Variants in WDPCP observed in about 807,000 individuals in gnomAD.
WDPCP encodes WD repeat-containing and planar cell polarity effector protein fritz homolog.
WDPCP carries 71 observed loss-of-function variants against 93.1 expected under a neutral mutation model. That is an observed-to-expected ratio of 0.76 (90% CI 0.63 to 0.93). The LOEUF (loss-of-function observed/expected upper bound fraction) is 0.93, where lower values mean the gene tolerates loss of function less well. WDPCP is among the 40% of genes least tolerant of loss of function. The pLI, the probability that WDPCP is intolerant of heterozygous loss-of-function variation, is 0.00. For missense variants in WDPCP, 844 were observed against 887.4 expected, an observed-to-expected ratio of 0.95 and a Z score of 0.62; for synonymous variants, 315 against 315.0, an observed-to-expected ratio of 1.00 and a Z score of 0.00.
At chr2:63,233,756 G>T (rs1679135440) in intron 14 of WDPCP, among the ~76,000 whole-genome samples, 1 of 152,040 alleles carries the variant, frequency 6.6e-6, no homozygotes, top group African/African-American at 2.4e-5. Flanking sequence ...GTCCAGGAGT[G>T]CTCAGATGTT....
chr2:63,470,214 T>C (rs879368758), intron 6 of WDPCP, among the ~76,000 whole-genome samples: 10 of 152,236 alleles, frequency 6.6e-5, no homozygotes, highest in Non-Finnish European at 1.3e-4. Flanking sequence ...CACCAGTCTT[T>C]TGGCTTTTAG....
intron 2 of WDPCP, among the ~76,000 whole-genome samples, chr2:63,734,852 T>C (rs991456934): frequency 3.4e-5 from 5 of 145,836 alleles, no homozygotes; most frequent in Admixed American, 2.8e-4. Flanking sequence ...GAAGGATAGA[T>C]AGATGGAGAT....
chr2:63,800,618 G>A (rs1034435012), intron 2 of WDPCP, among the ~76,000 whole-genome samples: 3 of 152,150 alleles, frequency 2.0e-5, no homozygotes, highest in Non-Finnish European at 4.4e-5. Flanking sequence ...GGTCCCCTAG[G>A]CAGAGTACTA....
At chr2:63,807,206 C>G (rs966958273) in intron 2 of WDPCP, among the ~76,000 whole-genome samples, 1 of 152,182 alleles carries the variant, frequency 6.6e-6, no homozygotes, top group Non-Finnish European at 1.5e-5. Context: ...GTCTGGGGTC[C>G]CTGACTTCCC....
intron 2 of WDPCP, among the ~76,000 whole-genome samples, chr2:63,656,478 A>G (rs262507): frequency 6.6e-6 from 1 of 152,128 alleles, no homozygotes; most frequent in South Asian, 2.1e-4. Context: ...GGCCATGGAA[A>G]CTGACTGGAA....
chr2:63,732,852 A>G (rs566779120), intron 2 of WDPCP, among the ~76,000 whole-genome samples: 39 of 152,318 alleles, frequency 2.6e-4, no homozygotes, highest in Non-Finnish European at 4.7e-4. Context: ...GATGAAGAGT[A>G]AATCATTGAA....
intron 14 of WDPCP, among the ~76,000 whole-genome samples, chr2:63,248,907 T>G (rs1489512949): frequency 1.3e-5 from 2 of 152,058 alleles, no homozygotes; most frequent in East Asian, 3.9e-4. Flanking sequence ...CATTTTGTTC[T>G]TATGTGTTTT....
intron 6 of WDPCP, among the ~76,000 whole-genome samples, chr2:63,477,574 C>G (rs764061093): frequency 6.6e-6 from 1 of 152,084 alleles, no homozygotes; most frequent in Non-Finnish European, 1.5e-5. Flanking sequence ...CAGAGCAGCA[C>G]GTGGGGACAC....
chr2:63,146,340 G>A (rs1011002910), intron 17 of WDPCP, among the ~76,000 whole-genome samples: 11 of 151,384 alleles, frequency 7.3e-5, no homozygotes, highest in Non-Finnish European at 1.5e-4. Context: ...TTGGCTATGG[G>A]TTTGTCATAT....
At chr2:63,535,982 C>G (rs1221791114) in intron 1 of WDPCP, among the ~76,000 whole-genome samples, 2 of 152,162 alleles carry the variant, frequency 1.3e-5, no homozygotes, top group African/African-American at 4.8e-5. Flanking sequence ...GGGCTAATAT[C>G]TGGAATCTAC....
chr2:63,314,806 AATT>A (rs1381048929), intron 12 of WDPCP, among the ~76,000 whole-genome samples: 3 of 152,120 alleles, frequency 2.0e-5, no homozygotes, highest in Non-Finnish European at 4.4e-5. Context: ...CTGATCTCCA[AATT>A]ATTATTTCAA....
intron 2 of WDPCP, among the ~76,000 whole-genome samples, chr2:63,772,397 A>C (rs1670242285): frequency 6.6e-6 from 1 of 151,924 alleles, no homozygotes; most frequent in Non-Finnish European, 1.5e-5. Flanking sequence ...TTGCTGAATT[A>C]TTCCTTATAG....
At chr2:63,746,343 A>T (rs1669797403) in intron 2 of WDPCP, among the ~76,000 whole-genome samples, 1 of 152,124 alleles carries the variant, frequency 6.6e-6, no homozygotes, top group Admixed American at 6.5e-5. Context: ...CCCTGAGATG[A>T]TTGCATTAAC....
At chr2:63,379,218 C>G (rs901621350) in intron 11 of WDPCP, among the ~76,000 whole-genome samples, 1 of 152,012 alleles carries the variant, frequency 6.6e-6, no homozygotes, top group African/African-American at 2.4e-5. Context: ...CCCAGAAATA[C>G]CTGGAAGTTA....
intron 13 of WDPCP, among the ~76,000 whole-genome samples, chr2:63,310,399 G>C (rs1237537780): frequency 1.2e-4 from 18 of 152,038 alleles, no homozygotes; most frequent in Admixed American, 1.2e-3. Context: ...GTACCTAGGA[G>C]CCTTGTCTCG....
chr2:63,160,764 T>C (rs947919675), intron 15 of WDPCP, among the ~76,000 whole-genome samples: 1 of 152,144 alleles, frequency 6.6e-6, no homozygotes, highest in Non-Finnish European at 1.5e-5. Context: ...ATCTAGGCAA[T>C]GTTCATCAGT....
intron 3 of WDPCP, among the ~76,000 whole-genome samples, chr2:63,628,628 C>T (rs1447010890): frequency 1.3e-5 from 2 of 152,136 alleles, no homozygotes; most frequent in African/African-American, 4.8e-5. Context: ...GTTTAGATAC[C>T]ATCTGGTTTA....
chr2:63,829,661 G>C (rs1449609472), upstream of WDPCP, among the ~76,000 whole-genome samples: 3 of 151,998 alleles, frequency 2.0e-5, no homozygotes, highest in Non-Finnish European at 4.4e-5. Flanking sequence ...CATTGTGTAA[G>C]ATTAAAAAAT....
chr2:63,197,203 C>G (rs1489693867), intron 14 of WDPCP, among the ~76,000 whole-genome samples: 1 of 152,092 alleles, frequency 6.6e-6, no homozygotes, highest in Non-Finnish European at 1.5e-5. Context: ...GGATGAAGAC[C>G]TTTATGATAA....
Sources: gnomAD v4.1 joint callset for allele counts (sites outside exome capture counted in the v4.1 genomes callset) on GRCh38, gnomAD v4.1.1 for gene constraint, MANE v1.5 for transcripts, NCBI Gene and HGNC (gene_info 2026-07-23, HGNC 2026-07-21) for gene names.